The following HMCN2 variants were observed in gnomAD, a reference collection of about 807,000 sequenced individuals.
HMCN2 encodes the protein hemicentin 2, also known as hemicentin-2.
A neutral mutation model predicts 377.5 loss-of-function variants in HMCN2; 325 were observed. That is an observed-to-expected ratio of 0.86 (90% CI 0.79 to 0.94). HMCN2 has a LOEUF of 0.94. HMCN2 is among the 40% of genes least tolerant of loss of function. The pLI, the probability that HMCN2 is intolerant of heterozygous loss-of-function variation, is 0.00. For synonymous variants in HMCN2, 2,007 were observed against 2,046.8 expected (o/e 0.98, Z 0.53); for missense variants, 4,543 against 4,725.3 (o/e 0.96, Z 1.13).
intron 76 of HMCN2, 54 bp downstream of exon 76, chr9:130,399,686 C>A (rs79473398): frequency 8.3e-7 from 1 of 1,210,564 alleles, no homozygotes; most frequent in South Asian, 1.3e-5. Context: ...AGCGCCTTCC[C>A]GCTCTTGGGT....
At chr9:130,277,763 T>C (rs868928391) in intron 1 of HMCN2, among the ~76,000 whole-genome samples, 1,382 of 41,714 alleles carry the variant, frequency 0.033, no homozygotes, top group East Asian at 0.052. Context: ...ATCATCATCA[T>C]CACCACCACC....
At chr9:130,299,824 C>A (rs1836392981) in intron 8 of HMCN2, among the ~76,000 whole-genome samples, 1 of 150,906 alleles carries the variant, frequency 6.6e-6, no homozygotes, top group African/African-American at 2.4e-5. Flanking sequence ...TGCATTGACT[C>A]ACCTATTCAT....
At chr9:130,410,219 C>T (rs1025762623) in intron 84 of HMCN2, among the ~76,000 whole-genome samples, 2 of 152,182 alleles carry the variant, frequency 1.3e-5, no homozygotes, top group African/African-American at 4.8e-5. Context: ...GAACCCTGTT[C>T]TCCAAGGAGT....
At chr9:130,313,053 C>T (rs1169834238) in intron 15 of HMCN2, among the ~76,000 whole-genome samples, 1 of 152,176 alleles carries the variant, frequency 6.6e-6, no homozygotes, top group Non-Finnish European at 1.5e-5. Context: ...GTCCCTGTGG[C>T]AGAGTTTCTT....
intron 66 of HMCN2, among the ~76,000 whole-genome samples, chr9:130,392,810 C>G (rs557822228): frequency 2.0e-5 from 3 of 152,070 alleles, no homozygotes; most frequent in Non-Finnish European, 4.4e-5. Flanking sequence ...TCCTGGCTAA[C>G]ACGGTGAAAC....
chr9:130,322,398 T>C (rs1471961663), intron 19 of HMCN2, among the ~76,000 whole-genome samples: 1 of 152,144 alleles, frequency 6.6e-6, no homozygotes, highest in Non-Finnish European at 1.5e-5. Flanking sequence ...ATCTAATCTA[T>C]CTACCTGTTT....
At chr9:130,420,563 G>T (rs1274592691) in intron 86 of HMCN2, among the ~76,000 whole-genome samples, 1 of 152,100 alleles carries the variant, frequency 6.6e-6, no homozygotes, top group Non-Finnish European at 1.5e-5. Context: ...GCAAATCCAG[G>T]ATCACACTGT....
chr9:130,290,223 A>G (rs13289211), intron 4 of HMCN2, among the ~76,000 whole-genome samples: 1,741 of 152,342 alleles, frequency 0.011, 24 homozygotes, highest in Non-Finnish European at 0.02. Context: ...CAATGTCCCC[A>G]GGCCTGGCCC....
At chr9:130,289,840 A>G (rs55784060) in intron 4 of HMCN2, among the ~76,000 whole-genome samples, 20,814 of 152,156 alleles carry the variant, frequency 0.14, 1,428 homozygotes, top group Middle Eastern at 0.16. Flanking sequence ...ACTTCACGGT[A>G]AGCCTCCTGG....
chr9:130,379,312 A>C lies in HMCN2; in HGVS notation c.8276A>C (p.Glu2759Ala). The C allele has an allele frequency of 1.0e-6, 1 of 985,172 alleles. No individual in the cohort carries two copies. The highest frequency in any genetic ancestry group is 1.2e-6 in the Non-Finnish European group (1 of 829,814). The allele number at this position is 985,172 out of a possible 1,614,324, so 61.0% of individuals were successfully genotyped here. Residue 2759 changes from glutamate (E) to alanine (A), a missense_variant, in exon 54 of 98, where the codon GAG becomes GCG. Physicochemically the swap from Glu to Ala is moderately radical, Grantham distance 107 (BLOSUM62 -1). Coordinates refer to ENST00000683500, the MANE Select transcript of HMCN2 (RefSeq NM_001291815.2). ...GCCTTCGAGATCCTGTCCCGGGAGG[A>C]GGAGGCCCGGGGCGGAGTCACGGAA... is the stretch of plus-strand genomic sequence containing the variant. The part of the protein sequence containing the change: ...SAAFEILSRE[E>A]EARGGVTEYR...
At chr9:130,331,130 C>T (rs1933949153) in intron 22 of HMCN2, among the ~76,000 whole-genome samples, 1 of 150,856 alleles carries the variant, frequency 6.6e-6, no homozygotes. Context: ...CGCACTCCAT[C>T]CTTGCAACAG....
chr9:130,385,013 AAGCCTGTTTCACAGTGG>A (rs1219317050), intron 59 of HMCN2, among the ~76,000 whole-genome samples: 6 of 152,090 alleles, frequency 3.9e-5, no homozygotes, highest in Admixed American at 3.3e-4. Context: ...GTGGTGGGGG[AAGCCTGTTTCACAGTGG>A]AGCCTGTTTC....
rs1005385026 is a variant in HMCN2, at chr9:130,418,828, G to A, written c.13018G>A (p.Val4340Met). The A allele has an allele frequency of 6.5e-6, 10 of 1,533,786 alleles. No homozygotes were observed. Among genetic ancestry groups the A allele is most frequent in the South Asian group, 3.7e-5 (3 of 81,872 alleles). ...QDMTVRSGDD[V>M]ALRCQATGEP... ...CATGACAGTGAGATCTGGGGATGAC[G>A]TGGCCCTGCGGTGCCAGGCCACTGG... is the stretch of plus-strand genomic sequence containing the variant. Residue 4340 changes from valine to methionine, a missense_variant, in exon 86 of 98, where the codon GTG becomes ATG. Around this residue, in one of 5 missense-constraint regions of HMCN2, gnomAD observed 1,155 missense variants for 1,157.7 expected, o/e 1.00. Transcript: ENST00000683500.
intron 15 of HMCN2, among the ~76,000 whole-genome samples, chr9:130,313,774 C>CTTTTTTTTTTT (rs1215426849): frequency 1.2e-5 from 1 of 81,558 alleles, no homozygotes; most frequent in Admixed American, 1.6e-4. Context: ...TGTGTGTCCT[C>CTTTTTTTTTTT]TTTTTTTTTT....
Position 130,302,945 on chromosome 9 carries a change from C to A in HMCN2, c.1365C>A (p.Pro455=). ...CCTGCTCGGTGCACAGTGCCCTTCC[C>A]TTCCGGCTGCAGCTGCGGCGAGGTG... ...LVSCSVHSAL[P]FRLQLRRGEA... The change falls in exon 9 of 98, where the codon CCC becomes CCA. Residue 455 remains proline, a synonymous_variant. Transcript: ENST00000683500. 2.1e-6 allele frequency: 1 copy of A among 470,884 alleles called. No homozygotes were observed. The allele number at this position is 470,884 out of a possible 1,614,324, so 29.2% of individuals were successfully genotyped here. A position where few individuals can be genotyped will look rare whatever the true frequency, so the allele number is the denominator to read the frequency against.
rs561156388 is a variant in HMCN2, at chr9:130,351,084, A to G, written c.4431-339A>G. On this transcript the variant is annotated intron_variant, in intron 29 of 97. Transcript: ENST00000683500. The surrounding 1 kb of genome is among the most constrained non-coding windows in gnomAD (Gnocchi z 5.4). ...AACCACAAGCCTGCTTTCCTTCTCT[A>G]TGGACGTGCCTGTTCTGGGTACTTC... Among the ~76,000 whole-genome samples, 5 of 152,114 alleles carry G rather than the reference A, an allele frequency of 3.3e-5. No homozygotes were observed. The highest frequency in any genetic ancestry group is 2.0e-4 in the Admixed American group (3 of 15,282).
In HMCN2 at chr9:130,364,804, C is replaced by G. The variant is rs574922876; in HGVS notation, c.6323C>G (p.Pro2108Arg). The G allele has an allele frequency of 1.1e-5, 11 of 986,052 alleles. No individual in the cohort carries two copies. In the South Asian group the frequency reaches 3.8e-4, roughly 34 times the overall value. 61.1% of individuals were successfully genotyped at this position (986,052 alleles called of 1,614,324 possible). Residue 2108 changes from proline to arginine, a missense_variant, in exon 41 of 98, where the codon CCT becomes CGT. Pro to Arg is a moderately radical substitution (Grantham distance 103). Transcript: ENST00000683500. ...ALECQSHAMP[P>R]PVLSWWKDGR... is the part of the protein sequence containing the mutation. The stretch of plus-strand genomic sequence containing the variant: ...GAGTGCCAGAGCCACGCCATGCCCC[C>G]TCCTGTGCTGAGCTGGTGGAAGGAC...
intron 45 of HMCN2, among the ~76,000 whole-genome samples, chr9:130,370,762 G>A (rs947184440): frequency 2.0e-5 from 3 of 152,196 alleles, no homozygotes; most frequent in Admixed American, 6.5e-5. Flanking sequence ...GAGCCTGCCC[G>A]ACTCCAGAGC....
Position 130,430,279 on chromosome 9 carries a change from T to C in HMCN2, c.14327-5T>C, listed in dbSNP as rs898361297. ...GTGCACACACCTGACCCCACCCGTCTGCAGATGTCAATGAGTGCCTGCAGC... is the reference window on the plus strand; with the variant it reads ...GTGCACACACCTGACCCCACCCGTCCGCAGATGTCAATGAGTGCCTGCAGC... On this transcript the variant is annotated splice_polypyrimidine_tract_variant and splice_region_variant and intron_variant, in intron 94 of 97. Transcript: ENST00000683500. 4 of 1,533,752 alleles carry C rather than the reference T, an allele frequency of 2.6e-6. No homozygotes were observed. The highest frequency in any genetic ancestry group is 3.5e-6 in the Non-Finnish European group (4 of 1,143,534).
Sources: allele counts gnomAD v4.1 joint callset (sites outside exome capture counted in the v4.1 genomes callset), GRCh38; gene constraint gnomAD v4.1.1; regional missense constraint gnomAD v4.1.1; non-coding constraint Gnocchi (gnomAD v3.1); transcripts MANE v1.5; gene names NCBI Gene and HGNC (gene_info 2026-07-23, HGNC 2026-07-21).